VPS13B: variants seen among roughly 807,000 people sequenced by gnomAD.
VPS13B encodes vacuolar protein sorting 13 homolog B, also known as intermembrane lipid transfer protein VPS13B.
VPS13B carries 285 observed loss-of-function variants against 426.4 expected under a neutral mutation model. That is an observed-to-expected ratio of 0.67 (90% CI 0.61 to 0.74). VPS13B has a LOEUF of 0.74. Among genes scored for constraint, VPS13B ranks in the 30% least tolerant of loss-of-function variants. The pLI, the probability that VPS13B is intolerant of heterozygous loss-of-function variation, is 0.00. For synonymous variants in VPS13B, 1,676 were observed against 1,676.4 expected (o/e 1.00, Z 0.01); for missense variants, 4,537 against 4,782.6 (o/e 0.95, Z 1.51).
At chr8:99,213,968 A>G (rs540555719) in intron 17 of VPS13B, among the ~76,000 whole-genome samples, 9 of 152,258 alleles carry the variant, frequency 5.9e-5, no homozygotes, top group Admixed American at 2.6e-4. Context: ...CTCCCCCATA[A>G]GTATTACCAG....
chr8:99,215,454 G>A (rs1484737902), intron 17 of VPS13B, among the ~76,000 whole-genome samples: 2 of 152,154 alleles, frequency 1.3e-5, no homozygotes, highest in Non-Finnish European at 1.5e-5. Flanking sequence ...AGAGCATCTA[G>A]AAGGACTTAC....
intron 17 of VPS13B, among the ~76,000 whole-genome samples, chr8:99,239,417 G>A (rs544902065): frequency 6.6e-6 from 1 of 152,036 alleles, no homozygotes; most frequent in East Asian, 1.9e-4. Flanking sequence ...TGTTACATGT[G>A]GTTTTGTTTA....
chr8:99,273,181 A>G (rs1818690747), intron 17 of VPS13B, among the ~76,000 whole-genome samples: 1 of 137,604 alleles, frequency 7.3e-6, no homozygotes, highest in Non-Finnish European at 1.5e-5. Flanking sequence ...TTTTTTTGAG[A>G]TGGAGTCTCT....
rs1813919060 is a variant in VPS13B at position 99,196,280 on chromosome 8, A to T, written c.2515+3223A>T. Among the ~76,000 whole-genome samples the T allele has an allele frequency of 2.6e-5, 4 of 151,720 alleles. No homozygotes were observed. The South Asian group carries it at 6.2e-4, about 24-fold the overall frequency. On this transcript the variant is annotated intron_variant, in intron 17 of 61. Coordinates refer to ENST00000357162, the MANE Select transcript of VPS13B (RefSeq NM_152564.5). ...ACCTTTCATATCCTTGGTTAACTTT[A>T]TATCCACATATTTTTGTTTTTGCTG...
chr8:99,762,857 G>A (rs1336995660), intron 39 of VPS13B, among the ~76,000 whole-genome samples: 1 of 151,880 alleles, frequency 6.6e-6, no homozygotes, highest in African/African-American at 2.4e-5. Flanking sequence ...TTTAATTTAG[G>A]CCTGGCACAG....
At chr8:99,191,221 A>G (rs1293892766) in intron 16 of VPS13B, among the ~76,000 whole-genome samples, 1 of 151,498 alleles carries the variant, frequency 6.6e-6, no homozygotes, top group Non-Finnish European at 1.5e-5. Flanking sequence ...GTTTTCAGCA[A>G]TTTGATTATA....
chr8:99,464,360 T>A (rs916503838), intron 23 of VPS13B, among the ~76,000 whole-genome samples: 2 of 152,182 alleles, frequency 1.3e-5, no homozygotes, highest in African/African-American at 4.8e-5. Flanking sequence ...CAAACTGGCC[T>A]CAAGTACATA....
intron 17 of VPS13B, among the ~76,000 whole-genome samples, chr8:99,260,362 C>A (rs1489830485): frequency 6.6e-6 from 1 of 151,908 alleles, no homozygotes; most frequent in African/African-American, 2.4e-5. Flanking sequence ...TCCTAAATTC[C>A]AAGTAGGAAA....
intron 24 of VPS13B, among the ~76,000 whole-genome samples, chr8:99,478,087 A>T (rs997139297): frequency 2.2e-5 from 3 of 134,930 alleles, no homozygotes; most frequent in African/African-American, 7.7e-5. Flanking sequence ...GTCTTTATTT[A>T]AAAAAAAAAA....
At chr8:99,821,272 A>G in intron 49 of VPS13B, 22 bp from the exon 50 acceptor site, 1 of 1,612,612 alleles carries the variant, frequency 6.2e-7, no homozygotes, top group South Asian at 1.1e-5. Flanking sequence ...ATTACTTTAT[A>G]ATTGAGGCAT....
At chr8:99,035,048 T>C (rs924352061) in intron 2 of VPS13B, among the ~76,000 whole-genome samples, 1 of 151,660 alleles carries the variant, frequency 6.6e-6, no homozygotes, top group Admixed American at 6.6e-5. Flanking sequence ...TTAAAAAAAT[T>C]GGTTGGGCGT....
chr8:99,694,890 C>T (rs1266260436), intron 35 of VPS13B, among the ~76,000 whole-genome samples: 6 of 151,950 alleles, frequency 3.9e-5, no homozygotes, highest in African/African-American at 1.2e-4. Context: ...GGGCAAAGGA[C>T]ATGAACAGAC....
At chr8:99,774,673 C>T (rs1355939674) in intron 40 of VPS13B, among the ~76,000 whole-genome samples, 2 of 152,134 alleles carry the variant, frequency 1.3e-5, no homozygotes, top group Non-Finnish European at 2.9e-5. Flanking sequence ...TTTCTAAAAA[C>T]TTACATGAGT....
At chr8:99,732,482 A>G (rs1020654558) in intron 39 of VPS13B, among the ~76,000 whole-genome samples, 4 of 152,210 alleles carry the variant, frequency 2.6e-5, no homozygotes, top group Admixed American at 2.0e-4. Context: ...AGAGCCCAGA[A>G]TTTTGTCACA....
chr8:99,354,732 A>G (rs1191749351), intron 19 of VPS13B, among the ~76,000 whole-genome samples: 2 of 152,056 alleles, frequency 1.3e-5, no homozygotes, highest in Non-Finnish European at 2.9e-5. Flanking sequence ...TTTATTTTGT[A>G]TTTAAAAAAT....
intron 44 of VPS13B, among the ~76,000 whole-genome samples, chr8:99,812,559 C>T (rs571444636): frequency 1.8e-4 from 28 of 152,300 alleles, no homozygotes; most frequent in African/African-American, 6.3e-4. Flanking sequence ...GCTGGGTTAT[C>T]TGTGCTCTGC....
chr8:99,238,773 G>T (rs2132879360), intron 17 of VPS13B, among the ~76,000 whole-genome samples: 1 of 152,016 alleles, frequency 6.6e-6, no homozygotes, highest in East Asian at 1.9e-4. Context: ...GTGGCATTTT[G>T]CTTCCCTATA....
chr8:99,131,325 T>C (rs1809792495), intron 8 of VPS13B, among the ~76,000 whole-genome samples: 1 of 152,224 alleles, frequency 6.6e-6, no homozygotes, highest in South Asian at 2.1e-4. Context: ...TGTACCGTGA[T>C]TCAAACCAGG....
chr8:99,296,601 C>T (rs140555044), intron 19 of VPS13B, among the ~76,000 whole-genome samples: 14 of 152,234 alleles, frequency 9.2e-5, no homozygotes, highest in African/African-American at 2.9e-4. Flanking sequence ...ATGGTAATTG[C>T]TGTGGTCTGA....
Sources: gnomAD v4.1 joint callset for allele counts (sites outside exome capture counted in the v4.1 genomes callset) on GRCh38, gnomAD v4.1.1 for gene constraint, MANE v1.5 for transcripts, NCBI Gene and HGNC (gene_info 2026-07-23, HGNC 2026-07-21) for gene names.